Variants in ATXN7L1 observed in about 807,000 individuals in gnomAD.
ATXN7L1 encodes the protein ataxin 7 like 1.
ATXN7L1 carries 15 observed loss-of-function variants against 70.8 expected under a neutral mutation model. The ratio of observed to expected loss-of-function variants is 0.21; its 90% confidence interval spans 0.14 to 0.33. The LOEUF is 0.33. ATXN7L1 is among the 10% of genes least tolerant of loss of function. The pLI is 1.00. For missense variants in ATXN7L1, 975 were observed against 1,097.1 expected (o/e 0.89, Z 1.57); for synonymous variants, 440 against 445.1 (o/e 0.99, Z 0.14).
chr7:105,647,611 C>T (rs1799243118), intron 4 of ATXN7L1, among the ~76,000 whole-genome samples: 1 of 152,248 alleles, frequency 6.6e-6, no homozygotes, highest in South Asian at 2.1e-4. Context: ...GGCGCCATTG[C>T]ACTCCAGCTT....
At position 105,646,835 on chromosome 7, in the gene ATXN7L1, A is replaced by T. The variant is rs570910304; in HGVS notation, c.579-3714T>A. On this transcript the variant is annotated intron_variant, in intron 4 of 11. Coordinates refer to ENST00000419735, the MANE Select transcript of ATXN7L1 (RefSeq NM_020725.2). ...GGTGGACACACACAGTACCAGCTAC[A>T]TGAGAGGCTGAGGTAGGAGAGTCAC... Among the ~76,000 whole-genome samples, 100 of 151,986 alleles carry T rather than the reference A, an allele frequency of 6.6e-4. 1 individual carries two copies. The South Asian group carries it at 0.02, about 31-fold the overall frequency.
chr7:105,718,883 G>T (rs1052346519), intron 3 of ATXN7L1, among the ~76,000 whole-genome samples: 1 of 152,186 alleles, frequency 6.6e-6, no homozygotes, highest in African/African-American at 2.4e-5. Flanking sequence ...TGGGAGAGAG[G>T]ATTTATCTTG....
chr7:105,828,708 G>T (rs1475942250), intron 2 of ATXN7L1, among the ~76,000 whole-genome samples: 1 of 152,154 alleles, frequency 6.6e-6, no homozygotes, highest in Non-Finnish European at 1.5e-5. Context: ...TATAGAAGAA[G>T]AGGCTGAAGC....
chr7:105,871,545 T>A (rs1412828345), intron 2 of ATXN7L1, among the ~76,000 whole-genome samples: 1 of 152,082 alleles, frequency 6.6e-6, no homozygotes, highest in African/African-American at 2.4e-5. Context: ...AACCCATCTC[T>A]ACTAAATATA....
At chr7:105,685,216 G>A (rs1806033597) in intron 3 of ATXN7L1, among the ~76,000 whole-genome samples, 1 of 152,132 alleles carries the variant, frequency 6.6e-6, no homozygotes, top group African/African-American at 2.4e-5. Context: ...TCTCCTTCCA[G>A]AATGTCTATG....
At chr7:105,797,122 C>T (rs1169263095) in intron 2 of ATXN7L1, among the ~76,000 whole-genome samples, 2 of 152,210 alleles carry the variant, frequency 1.3e-5, no homozygotes, top group South Asian at 2.1e-4. Context: ...AGTGAGCGTG[C>T]GGGTGCGTGC....
At chr7:105,607,978 A>C (rs1792832112) in intron 11 of ATXN7L1, 88 bp from the exon 12 acceptor site, 2 of 1,230,732 alleles carry the variant, frequency 1.6e-6, no homozygotes. Context: ...TAGTTTTCTC[A>C]TCTATAATAG....
chr7:105,790,605 A>AT (rs970681768), intron 2 of ATXN7L1, among the ~76,000 whole-genome samples: 4 of 129,330 alleles, frequency 3.1e-5, no homozygotes, highest in Non-Finnish European at 5.0e-5. Flanking sequence ...AAAGAAAAAA[A>AT]TTATCTATCT....
intron 4 of ATXN7L1, among the ~76,000 whole-genome samples, chr7:105,652,495 C>T (rs6958216): frequency 0.08 from 12,225 of 152,242 alleles, 524 homozygotes; most frequent in East Asian, 0.14. Flanking sequence ...GAACAGGCTC[C>T]GCTCAGGAGC....
chr7:105,747,358 C>T (rs868146378), intron 3 of ATXN7L1, among the ~76,000 whole-genome samples: 8 of 152,156 alleles, frequency 5.3e-5, no homozygotes, highest in South Asian at 2.1e-4. Context: ...TAGCTGAACA[C>T]GTGGATGCTT....
chr7:105,687,624 G>A (rs888692509), intron 3 of ATXN7L1, among the ~76,000 whole-genome samples: 2 of 152,152 alleles, frequency 1.3e-5, no homozygotes, highest in Non-Finnish European at 2.9e-5. Context: ...TTTGGTTGTT[G>A]AACCCACCCA....
At chr7:105,778,619 T>C (rs1803113051) in intron 3 of ATXN7L1, among the ~76,000 whole-genome samples, 1 of 152,128 alleles carries the variant, frequency 6.6e-6, no homozygotes, top group African/African-American at 2.4e-5. Flanking sequence ...TGCTGTGTGC[T>C]TATTTGCAAC....
intron 4 of ATXN7L1, among the ~76,000 whole-genome samples, chr7:105,660,576 CTTTTTTTTTT>C (rs34008024): frequency 3.8e-5 from 3 of 78,140 alleles, no homozygotes; most frequent in African/African-American, 5.3e-5. Context: ...CGGAAGTGAC[CTTTTTTTTTT>C]TTTTTTTTTT....
intron 2 of ATXN7L1, among the ~76,000 whole-genome samples, chr7:105,802,468 G>C (rs975676341): frequency 2.0e-5 from 3 of 152,216 alleles, no homozygotes; most frequent in Admixed American, 6.5e-5. Context: ...ATACCACTGG[G>C]GAAACACAGA....
At chr7:105,712,645 C>G (rs1477280404) in intron 3 of ATXN7L1, among the ~76,000 whole-genome samples, 1 of 152,226 alleles carries the variant, frequency 6.6e-6, no homozygotes, top group Non-Finnish European at 1.5e-5. Flanking sequence ...TAAAGCATAG[C>G]AAGAGTCACC....
At position 105,665,162 on chromosome 7, in the gene ATXN7L1, G is replaced by A. The variant is rs1389340021; in HGVS notation, c.482C>T (p.Thr161Ile). The A allele has an allele frequency of 4.5e-6, 7 of 1,551,736 alleles. No homozygotes were observed. In the East Asian group the frequency reaches 1.7e-4, roughly 38 times the overall value. The stretch of plus-strand genomic sequence containing the variant: ...TTTGGGCGTTTTGAATGGCTTTGAG[G>A]TGCTGCTGGCAGAGTGATGGCCGCT... ...CLSGHHSASS[T>I]SKPFKTPKDN... Residue 161 changes from threonine (T) to isoleucine (I), a missense_variant, in exon 4 of 12, where the codon ACC becomes ATC. Transcript: ENST00000419735.
At chr7:105,716,049 G>C (rs549123033) in intron 3 of ATXN7L1, among the ~76,000 whole-genome samples, 2 of 152,102 alleles carry the variant, frequency 1.3e-5, no homozygotes, top group Non-Finnish European at 2.9e-5. Flanking sequence ...TGTTGGAGAA[G>C]AAGGAGCTTC....
At chr7:105,830,475 G>A (rs1440353271) in intron 2 of ATXN7L1, among the ~76,000 whole-genome samples, 1 of 152,270 alleles carries the variant, frequency 6.6e-6, no homozygotes, top group Non-Finnish European at 1.5e-5. Context: ...GACTGTGGAA[G>A]AGGATAAGAT....
chr7:105,797,020 T>C (rs1368397119), intron 2 of ATXN7L1, among the ~76,000 whole-genome samples: 1 of 152,052 alleles, frequency 6.6e-6, no homozygotes, highest in African/African-American at 2.4e-5. Flanking sequence ...AGATTCAAAA[T>C]CAGTGAAATC....
Sources: allele counts gnomAD v4.1 joint callset (sites outside exome capture counted in the v4.1 genomes callset), GRCh38; gene constraint gnomAD v4.1.1; transcripts MANE v1.5; gene names NCBI Gene and HGNC (gene_info 2026-07-23, HGNC 2026-07-21).